ARAP2: variants seen among roughly 807,000 people sequenced by gnomAD.
ARAP2 encodes the protein arf-GAP with Rho-GAP domain, ANK repeat and PH domain-containing protein 2.
A neutral mutation model predicts 194.5 loss-of-function variants in ARAP2; 148 were observed. The ratio of observed to expected loss-of-function variants is 0.76; its 90% CI spans 0.67 to 0.87. The LOEUF is 0.87. Among genes scored for constraint, ARAP2 ranks in the 40% least tolerant of loss-of-function variants. The pLI is 0.00. For missense variants in ARAP2, 2,128 were observed against 1,989.7 expected (o/e 1.07, Z -1.32); for synonymous variants, 695 against 683.5 (o/e 1.02, Z -0.26).
chr4:36,225,725 G>A (rs1372876979), intron 2 of ARAP2, among the ~76,000 whole-genome samples: 1 of 152,076 alleles, frequency 6.6e-6, no homozygotes, highest in Non-Finnish European at 1.5e-5. Flanking sequence ...AAAACAAAGA[G>A]CCCTATGTCA....
At chr4:36,099,476 C>T (rs937955118) in intron 27 of ARAP2, among the ~76,000 whole-genome samples, 4 of 151,974 alleles carry the variant, frequency 2.6e-5, no homozygotes, top group Admixed American at 6.6e-5. Context: ...CAATATCGTA[C>T]GCCTGTCATA....
intron 23 of ARAP2, among the ~76,000 whole-genome samples, chr4:36,120,002 T>C (rs1015967450): frequency 2.0e-5 from 3 of 151,540 alleles, no homozygotes; most frequent in African/African-American, 4.8e-5. Flanking sequence ...GATGACTGGC[T>C]TAAGTTTATG....
At chr4:36,224,530 A>G (rs972024762) in intron 2 of ARAP2, among the ~76,000 whole-genome samples, 1 of 152,188 alleles carries the variant, frequency 6.6e-6, no homozygotes, top group East Asian at 1.9e-4. Context: ...ACTGCAACAC[A>G]TAAGTTTACA....
In ARAP2 at chr4:36,177,960, G is replaced by A; in HGVS notation, c.1724C>T (p.Ser575Leu). ...WISILLNALK[S>L]QSLTSQSQAV... is the part of the protein sequence containing the mutation. Reference sequence around the variant, plus strand: ...TTGAGACTGCGAGGTAAGGGATTGTGATTTCAGTGCATTTAATAGTATGCT... The same window carrying A: ...TTGAGACTGCGAGGTAAGGGATTGTAATTTCAGTGCATTTAATAGTATGCT... Residue 575 changes from serine to leucine, a missense_variant, in exon 9 of 33, where the codon TCA (serine) becomes TTA (leucine). Coordinates refer to ENST00000303965, the MANE Select transcript of ARAP2 (RefSeq NM_015230.4). The A allele has an allele frequency of 1.9e-6, 3 of 1,612,732 alleles. No homozygotes were observed. Among genetic ancestry groups the A allele is most frequent in the Non-Finnish European group, 2.5e-6 (3 of 1,179,438 alleles).
At chr4:36,076,235 A>C (rs181008742) in intron 31 of ARAP2, among the ~76,000 whole-genome samples, 4 of 152,196 alleles carry the variant, frequency 2.6e-5, no homozygotes. Flanking sequence ...CTGTATGATG[A>C]TTTTTAATAA....
At chr4:36,104,018 CATAG>C (rs1442063743) in intron 27 of ARAP2, among the ~76,000 whole-genome samples, 18 of 151,922 alleles carry the variant, frequency 1.2e-4, no homozygotes, top group African/African-American at 4.1e-4. Flanking sequence ...AAATGCAAGC[CATAG>C]ATAGACAGAC....
intron 10 of ARAP2, among the ~76,000 whole-genome samples, chr4:36,166,682 C>G (rs1187137382): frequency 6.6e-6 from 1 of 151,034 alleles, no homozygotes; most frequent in Admixed American, 6.6e-5. Context: ...TACACCATGC[C>G]TAGTAAGAAA....
At chr4:36,147,022 T>G (rs1312533768) in intron 19 of ARAP2, among the ~76,000 whole-genome samples, 5 of 152,168 alleles carry the variant, frequency 3.3e-5, no homozygotes, top group Admixed American at 2.6e-4. Context: ...TCCAAATATT[T>G]AAATGCAAAT....
rs139267796 is a variant in ARAP2, at chr4:36,147,850, A to G, written c.3001-104T>C. 4.5e-5 allele frequency: 45 copies of G among 1,009,872 alleles called. No individual in the cohort carries two copies. In the African/African-American group the frequency reaches 6.7e-4, roughly 15 times the overall value. 62.6% of individuals were successfully genotyped at this position (1,009,872 alleles called of 1,614,324 possible). ...GTAGACAAATTATCTTAGTTTTTCA[A>G]TTTTAAAGATTCAAAGGTAACACCA... On this transcript the variant is annotated intron_variant, in intron 17 of 32. Coordinates refer to ENST00000303965, the MANE Select transcript of ARAP2 (RefSeq NM_015230.4).
chr4:36,215,008 A>C (rs931544564), intron 2 of ARAP2, among the ~76,000 whole-genome samples: 1 of 152,212 alleles, frequency 6.6e-6, no homozygotes, highest in Non-Finnish European at 1.5e-5. Flanking sequence ...AAGATATTAC[A>C]GGGCAATTAT....
chr4:36,076,253 C>G (rs895780140), intron 31 of ARAP2, among the ~76,000 whole-genome samples: 6 of 152,068 alleles, frequency 3.9e-5, no homozygotes, highest in Non-Finnish European at 5.9e-5. Flanking sequence ...TAATGAATAA[C>G]CATGCACTAG....
At chr4:36,161,255 C>G (rs1443743135) in intron 12 of ARAP2, among the ~76,000 whole-genome samples, 1 of 151,902 alleles carries the variant, frequency 6.6e-6, no homozygotes, top group Non-Finnish European at 1.5e-5. Context: ...TAAGGATCTT[C>G]TATACTTTTA....
chr4:36,159,979 C>T (rs1342026089), intron 13 of ARAP2: 2 of 619,446 alleles, frequency 3.2e-6, no homozygotes, highest in Non-Finnish European at 4.0e-6. Context: ...AATTCAGGAT[C>T]TTCCCCTCAG....
chr4:36,198,910 G>A (rs975578788), intron 6 of ARAP2, among the ~76,000 whole-genome samples: 58 of 152,186 alleles, frequency 3.8e-4, no homozygotes, highest in Non-Finnish European at 7.5e-4. Flanking sequence ...GCACAGGGAG[G>A]CCTGGACTCA....
At chr4:36,163,184 A>C in intron 11 of ARAP2, among the ~76,000 whole-genome samples, 1 of 152,166 alleles carries the variant, frequency 6.6e-6, no homozygotes, top group Non-Finnish European at 1.5e-5. Flanking sequence ...ACACAGTAAA[A>C]GAGAAGTGAG....
chr4:36,108,523 T>C (rs772452510), intron 26 of ARAP2, among the ~76,000 whole-genome samples: 5 of 151,976 alleles, frequency 3.3e-5, no homozygotes, highest in Non-Finnish European at 5.9e-5. Context: ...AAAAACATGA[T>C]GTGTCAATAT....
chr4:36,085,929 C>A (rs1711661891), intron 28 of ARAP2, among the ~76,000 whole-genome samples: 1 of 151,982 alleles, frequency 6.6e-6, no homozygotes, highest in African/African-American at 2.4e-5. Context: ...GATTCTATAG[C>A]CTGCTAATTT....
At chr4:36,056,468 T>G (rs974320564) in intron 2 of ARAP2, among the ~76,000 whole-genome samples, 11 of 152,232 alleles carry the variant, frequency 7.2e-5, no homozygotes, top group Non-Finnish European at 1.6e-4. Context: ...TTGTTAGTTT[T>G]GGGAAATCAG....
intron 26 of ARAP2, among the ~76,000 whole-genome samples, chr4:36,111,057 A>T (rs1719853332): frequency 6.6e-6 from 1 of 152,000 alleles, no homozygotes; most frequent in South Asian, 2.1e-4. Flanking sequence ...TTTATTATAC[A>T]AAGGAAATAC....
Sources: gnomAD v4.1 joint callset for allele counts (sites outside exome capture counted in the v4.1 genomes callset) on GRCh38, gnomAD v4.1.1 for gene constraint, MANE v1.5 for transcripts, NCBI Gene and HGNC (gene_info 2026-07-23, HGNC 2026-07-21) for gene names.